The following SKAP2 variants were observed in gnomAD, a reference collection of about 807,000 sequenced individuals.
The protein encoded by SKAP2 is src kinase associated phosphoprotein 2.
In SKAP2, 28 loss-of-function variants were observed where a neutral mutation model predicts 54.9. That is an observed-to-expected ratio of 0.51 (90% CI 0.38 to 0.70). SKAP2 has a LOEUF of 0.70. Among genes scored for constraint, SKAP2 ranks in the 30% least tolerant of loss-of-function variants. The pLI is 0.00. For missense variants in SKAP2, 356 were observed against 424.1 expected, an observed-to-expected ratio of 0.84 and a Z score of 1.41; for synonymous variants, 137 against 134.3, an observed-to-expected ratio of 1.02 and a Z score of -0.14.
At chr7:26,776,694 A>G (rs536979038) in intron 4 of SKAP2, among the ~76,000 whole-genome samples, 1 of 152,262 alleles carries the variant, frequency 6.6e-6, no homozygotes, top group East Asian at 1.9e-4. Flanking sequence ...GATCAACAAC[A>G]ACAGCTTGTC....
At chr7:26,694,820 T>C (rs1291254125) in intron 9 of SKAP2, among the ~76,000 whole-genome samples, 1 of 152,090 alleles carries the variant, frequency 6.6e-6, no homozygotes, top group Non-Finnish European at 1.5e-5. Context: ...TGGCCCTTTT[T>C]CCCCCTTTTT....
At chr7:26,864,300 C>T (rs1485811863) in intron 1 of SKAP2, 63 bp downstream of exon 1, 2 of 1,603,872 alleles carry the variant, frequency 1.2e-6, no homozygotes, top group African/African-American at 2.7e-5. Flanking sequence ...CTTCTGTCCC[C>T]ACCGGCTCAC....
chr7:26,829,279 G>C (rs1193555831), intron 4 of SKAP2, among the ~76,000 whole-genome samples: 2 of 152,126 alleles, frequency 1.3e-5, no homozygotes, highest in Admixed American at 6.6e-5. Context: ...ACTTTGGGAG[G>C]CTCAACACTT....
chr7:26,752,966 T>G (rs1313164046), intron 4 of SKAP2, among the ~76,000 whole-genome samples: 1 of 152,206 alleles, frequency 6.6e-6, no homozygotes, highest in Non-Finnish European at 1.5e-5. Context: ...GGTAATCATA[T>G]GTACACCTGG....
At chr7:26,677,300 G>A (rs1584324795) in intron 11 of SKAP2, among the ~76,000 whole-genome samples, 4 of 151,610 alleles carry the variant, frequency 2.6e-5, no homozygotes, top group African/African-American at 4.9e-5. Flanking sequence ...GCTGAGGCAG[G>A]AGAAATGCTT....
intron 9 of SKAP2, among the ~76,000 whole-genome samples, chr7:26,717,494 A>G (rs1787472790): frequency 7.7e-6 from 1 of 130,168 alleles, no homozygotes; most frequent in African/African-American, 2.9e-5. Flanking sequence ...TGGGTGACAG[A>G]GCAAGACCCC....
chr7:26,713,463 GAAGGT>G (rs777094258), intron 9 of SKAP2, among the ~76,000 whole-genome samples: 3 of 152,056 alleles, frequency 2.0e-5, no homozygotes, highest in Non-Finnish European at 4.4e-5. Flanking sequence ...GACATGAGGA[GAAGGT>G]AAGACAAGAT....
At chr7:26,761,882 A>G (rs1438689882) in intron 4 of SKAP2, among the ~76,000 whole-genome samples, 1 of 152,272 alleles carries the variant, frequency 6.6e-6, no homozygotes, top group African/African-American at 2.4e-5. Flanking sequence ...CCAGGGCGAC[A>G]GAGTGAGACT....
chr7:26,812,713 T>G (rs1784179231), intron 4 of SKAP2, among the ~76,000 whole-genome samples: 1 of 152,076 alleles, frequency 6.6e-6, no homozygotes, highest in Non-Finnish European at 1.5e-5. Flanking sequence ...TTACCAAAAA[T>G]AATGCAAGAA....
chr7:26,694,967 T>C (rs1349691051), intron 9 of SKAP2, among the ~76,000 whole-genome samples: 1 of 152,052 alleles, frequency 6.6e-6, no homozygotes, highest in African/African-American at 2.4e-5. Context: ...ATCTTTAGGA[T>C]AAATAACCAA....
intron 9 of SKAP2, among the ~76,000 whole-genome samples, chr7:26,716,728 C>T (rs934424449): frequency 6.6e-6 from 1 of 152,108 alleles, no homozygotes; most frequent in Admixed American, 6.5e-5. Context: ...AGATTGCATT[C>T]TATTTCCTTA....
intron 4 of SKAP2, among the ~76,000 whole-genome samples, chr7:26,810,605 T>C (rs988777364): frequency 2.0e-5 from 3 of 152,204 alleles, no homozygotes; most frequent in Admixed American, 1.3e-4. Flanking sequence ...TTGAGCTAAA[T>C]AACTTGATTT....
chr7:26,684,860 A>G lies in SKAP2; in HGVS notation c.875-12T>C, dbSNP rs769870231. On this transcript the variant is annotated splice_polypyrimidine_tract_variant and intron_variant, in intron 10 of 12. Transcript: ENST00000345317. The stretch of plus-strand genomic sequence containing the variant: ...AGTGCTCTTATCCCCTAGGAAGAAG[A>G]AAGAGAAAGCATGAATTAGGGCCTT... 73 of 1,528,992 alleles carry G rather than the reference A, an allele frequency of 4.8e-5. No individual in the cohort carries two copies. The highest frequency in any genetic ancestry group is 1.7e-4 in the Middle Eastern group (1 of 5,904). 94.7% of individuals were successfully genotyped at this position (1,528,992 alleles called of 1,614,324 possible).
chr7:26,732,190 C>T (rs986874746), intron 6 of SKAP2, among the ~76,000 whole-genome samples: 2 of 152,124 alleles, frequency 1.3e-5, no homozygotes, highest in Non-Finnish European at 2.9e-5. Context: ...GAACCTAAAT[C>T]TCCAGTAAGT....
chr7:26,774,985 T>C (rs980648975), intron 4 of SKAP2, among the ~76,000 whole-genome samples: 4 of 152,170 alleles, frequency 2.6e-5, no homozygotes, highest in East Asian at 1.9e-4. Flanking sequence ...TCTAAAGGGA[T>C]CTTTTAAATT....
At chr7:26,744,941 G>C (rs542079589) in intron 4 of SKAP2, among the ~76,000 whole-genome samples, 1 of 151,978 alleles carries the variant, frequency 6.6e-6, no homozygotes, top group Non-Finnish European at 1.5e-5. Context: ...AGACTTCTAA[G>C]GAATCCAAAG....
rs199974461 is a variant in SKAP2 at position 26,854,776 on chromosome 7, G to C, written c.173+9C>G. 6.3e-7 allele frequency: 1 copy of C among 1,582,776 alleles called. No individual in the cohort carries two copies. Among genetic ancestry groups the C allele is most frequent in the East Asian group, 2.3e-5 (1 of 44,314 alleles). ...TAAGAAATCAGTAAACAAAAGGTAAGTGACTTACATAGACTTTACATCTTT... is the reference window on the plus strand; with the variant it reads ...TAAGAAATCAGTAAACAAAAGGTAACTGACTTACATAGACTTTACATCTTT... On this transcript the variant is annotated intron_variant, in intron 2 of 12. Coordinates refer to ENST00000345317, the MANE Select transcript of SKAP2 (RefSeq NM_003930.5).
chr7:26,742,635 G>A (rs1782477194), intron 4 of SKAP2, among the ~76,000 whole-genome samples: 1 of 151,850 alleles, frequency 6.6e-6, no homozygotes, highest in Admixed American at 6.6e-5. Context: ...GAGTGGGGGA[G>A]TACATTTTTT....
At chr7:26,747,668 A>T (rs1257298226) in intron 4 of SKAP2, among the ~76,000 whole-genome samples, 2 of 152,098 alleles carry the variant, frequency 1.3e-5, no homozygotes, top group Non-Finnish European at 2.9e-5. Context: ...AATATAATCC[A>T]AAAGATTAAG....
Sources: gnomAD v4.1 joint callset for allele counts (sites outside exome capture counted in the v4.1 genomes callset) on GRCh38, gnomAD v4.1.1 for gene constraint, MANE v1.5 for transcripts, NCBI Gene and HGNC (gene_info 2026-07-23, HGNC 2026-07-21) for gene names.